CMKLR2: variants seen among roughly 807,000 people sequenced by gnomAD.
CMKLR2 encodes the protein chemerin chemokine-like receptor 2.
A neutral mutation model predicts 23.0 loss-of-function variants in CMKLR2; 18 were observed. The observed-to-expected ratio is 0.78, with a 90% CI of 0.54 to 1.16. CMKLR2 has a LOEUF of 1.16. Ranked by LOEUF, CMKLR2 falls within the 50% of genes most tolerant of loss-of-function variation. CMKLR2 has a pLI of 0.00. For missense variants in CMKLR2, 401 were observed against 412.7 expected (o/e 0.97, Z 0.25); for synonymous variants, 158 against 158.9 (o/e 0.99, Z 0.05).
At chr2:206,202,840 C>A (rs1160689617) in intron 1 of CMKLR2, among the ~76,000 whole-genome samples, 1 of 151,966 alleles carries the variant, frequency 6.6e-6, no homozygotes, top group Non-Finnish European at 1.5e-5. Context: ...TGCTGCCAGC[C>A]CCTCAAAGCC....
At position 206,181,848 on chromosome 2, in the gene CMKLR2, A is replaced by T. The variant is rs149307199; in HGVS notation, c.-28-4573T>A. 1.9e-3 allele frequency among the ~76,000 whole-genome samples: 277 copies of T among 146,844 alleles called. 1 individual carries two copies. Among genetic ancestry groups the T allele is most frequent in the African/African-American group, 6.7e-3 (268 of 40,078 alleles). ...ATGCCTGTAATCCCAGCTGCTTGGG[A>T]GGCTGAGACAGGAGAATTGCCTGAA... On this transcript the variant is annotated intron_variant, in intron 1 of 1. Coordinates refer to ENST00000621141, the MANE Select transcript of CMKLR2 (RefSeq NM_001389445.1).
At chr2:206,191,865 G>A (rs1358418690) in intron 1 of CMKLR2, among the ~76,000 whole-genome samples, 1 of 134,212 alleles carries the variant, frequency 7.5e-6, no homozygotes, top group East Asian at 2.2e-4. Context: ...TTTTGATACA[G>A]AGTCTCGCTC....
At chr2:206,198,263 G>A (rs928129451) in intron 1 of CMKLR2, among the ~76,000 whole-genome samples, 8 of 152,118 alleles carry the variant, frequency 5.3e-5, no homozygotes, top group Non-Finnish European at 8.8e-5. Flanking sequence ...GTTTAAGTCC[G>A]TGGATATTTG....
At chr2:206,192,247 T>C (rs1688773906) in intron 1 of CMKLR2, among the ~76,000 whole-genome samples, 1 of 151,620 alleles carries the variant, frequency 6.6e-6, no homozygotes, top group Non-Finnish European at 1.5e-5. Context: ...CCCAGTGTAC[T>C]AGGATTGCAA....
chr2:206,188,025 GA>G (rs1200974232), intron 1 of CMKLR2, among the ~76,000 whole-genome samples: 2 of 152,124 alleles, frequency 1.3e-5, no homozygotes, highest in Non-Finnish European at 2.9e-5. Flanking sequence ...AATCAAGTAT[GA>G]AAAATCAAGT....
At chr2:206,214,817 G>A (rs1395468786), upstream of CMKLR2, among the ~76,000 whole-genome samples, 1 of 151,716 alleles carries the variant, frequency 6.6e-6, no homozygotes, top group African/African-American at 2.4e-5. Context: ...AGTAGAGACG[G>A]GGTTTCACCA....
chr2:206,184,575 G>A lies in CMKLR2; in HGVS notation c.-28-7300C>T, dbSNP rs142984917. ...CTCCCAAAGTGCTGGGATTACAGGTGTGAGCCACCGTGCCCAACCTAGACC... is the reference window on the plus strand; with the variant it reads ...CTCCCAAAGTGCTGGGATTACAGGTATGAGCCACCGTGCCCAACCTAGACC... On this transcript the variant is annotated intron_variant, in intron 1 of 1. Transcript: ENST00000621141. Among the ~76,000 whole-genome samples, 186 of 152,158 alleles carry A rather than the reference G, an allele frequency of 1.2e-3. 9 individuals are homozygous for A. In the South Asian group the frequency reaches 0.037, roughly 30 times the overall value.
At chr2:206,205,151 T>G (rs1689264386) in intron 1 of CMKLR2, among the ~76,000 whole-genome samples, 1 of 152,190 alleles carries the variant, frequency 6.6e-6, no homozygotes, top group African/African-American at 2.4e-5. Context: ...TGTGGGAAAT[T>G]AGTAAAGAGC....
At chr2:206,201,187 A>C (rs1689084424) in intron 1 of CMKLR2, among the ~76,000 whole-genome samples, 1 of 152,114 alleles carries the variant, frequency 6.6e-6, no homozygotes, top group South Asian at 2.1e-4. Flanking sequence ...TCTGACCTCA[A>C]GTAATCCTCC....
chr2:206,194,357 A>G (rs1307536809), intron 1 of CMKLR2, among the ~76,000 whole-genome samples: 1 of 152,192 alleles, frequency 6.6e-6, no homozygotes, highest in Non-Finnish European at 1.5e-5. Flanking sequence ...CATAAAAGAT[A>G]AAGCACAGGT....
chr2:206,190,993 A>G lies in CMKLR2; in HGVS notation c.-28-13718T>C, dbSNP rs546006742. 9.2e-5 allele frequency among the ~76,000 whole-genome samples: 14 copies of G among 152,286 alleles called. No individual in the cohort carries two copies. The East Asian group carries it at 1.7e-3, about 19-fold the overall frequency. ...TGGCTCTGTTGATTGCTGGGGGTGAATGATTATCCTTAGGTTAGGAAGAAA... is the reference window on the plus strand; with the variant it reads ...TGGCTCTGTTGATTGCTGGGGGTGAGTGATTATCCTTAGGTTAGGAAGAAA... On this transcript the variant is annotated intron_variant, in intron 1 of 1. Transcript: ENST00000621141.
chr2:206,188,493 A>G (rs1023850435), intron 1 of CMKLR2, among the ~76,000 whole-genome samples: 5 of 152,378 alleles, frequency 3.3e-5, no homozygotes, highest in Middle Eastern at 6.8e-3. Context: ...AAAGGTCTCT[A>G]TGATCATAAA....
chr2:206,191,420 G>A (rs1486957408), intron 1 of CMKLR2, among the ~76,000 whole-genome samples: 1 of 152,160 alleles, frequency 6.6e-6, no homozygotes, highest in Non-Finnish European at 1.5e-5. Flanking sequence ...ACTTCTTTGA[G>A]TTACTTCATG....
chr2:206,184,263 T>C (rs1478963010), intron 1 of CMKLR2, among the ~76,000 whole-genome samples: 1 of 152,044 alleles, frequency 6.6e-6, no homozygotes, highest in Non-Finnish European at 1.5e-5. Flanking sequence ...TTTTCTATTC[T>C]ATTGCCTCTG....
At chr2:206,200,358 G>A (rs912850183) in intron 1 of CMKLR2, among the ~76,000 whole-genome samples, 8 of 152,188 alleles carry the variant, frequency 5.3e-5, no homozygotes, top group Non-Finnish European at 1.2e-4. Flanking sequence ...GGGAGGCGGA[G>A]GATGCGGTGA....
intron 1 of CMKLR2, among the ~76,000 whole-genome samples, chr2:206,194,744 CTTTTTTTT>C (rs745647131): frequency 2.6e-5 from 2 of 76,820 alleles, no homozygotes; most frequent in African/African-American, 1.0e-4. Context: ...CCATCATAGA[CTTTTTTTT>C]TTTTTTTTTT....
chr2:206,213,740 C>T (rs569815454), upstream of CMKLR2: 18 of 152,264 alleles, frequency 1.2e-4, no homozygotes, highest in African/African-American at 3.1e-4. Context: ...GAATGTTCTT[C>T]GAATGCATGG....
At position 206,176,987 on chromosome 2, in the gene CMKLR2, A is replaced by G. The variant is rs1688248435; in HGVS notation, c.261T>C (p.Leu87=). 1 of 1,614,220 alleles carries G rather than the reference A, an allele frequency of 6.2e-7. No individual in the cohort carries two copies. The highest frequency in any genetic ancestry group is 2.2e-5 in the East Asian group (1 of 44,884). The change falls in exon 2 of 2, where the codon CTT becomes CTC. Residue 87 remains leucine, a synonymous_variant. Transcript: ENST00000621141. ...AGGAGATGTACAGGGGCAGAAAGAG[A>G]AGAAAAATGAAATCCGCAATGGCTA... ...LNLAIADFIF[L]LFLPLYISYV... is the part of the protein sequence containing the mutation.
intron 1 of CMKLR2, among the ~76,000 whole-genome samples, chr2:206,195,525 T>C (rs1454086681): frequency 2.6e-5 from 4 of 152,210 alleles, no homozygotes. Flanking sequence ...CAGAAGGCAC[T>C]GACTCATGCA....
Sources: gnomAD v4.1 joint callset for allele counts (sites outside exome capture counted in the v4.1 genomes callset) on GRCh38, gnomAD v4.1.1 for gene constraint, MANE v1.5 for transcripts, NCBI Gene and HGNC (gene_info 2026-07-23, HGNC 2026-07-21) for gene names.